The following RUNX1 variants were observed in gnomAD, a reference collection of about 807,000 sequenced individuals.
RUNX1 encodes RUNX family transcription factor 1.
In RUNX1, 19 loss-of-function variants were observed where a neutral mutation model predicts 42.8. That is an observed-to-expected ratio of 0.44 (90% CI 0.31 to 0.65). The LOEUF (loss-of-function observed/expected upper bound fraction) is 0.65. Among genes scored for constraint, RUNX1 ranks in the 30% least tolerant of loss-of-function variants. RUNX1 has a pLI of 0.07. For missense variants in RUNX1, 528 were observed against 672.0 expected, an observed-to-expected ratio of 0.79 and a Z score of 2.37; for synonymous variants, 271 against 289.4, an observed-to-expected ratio of 0.94 and a Z score of 0.64.
chr21:35,014,742 C>T (rs1364992356), intron 2 of RUNX1, among the ~76,000 whole-genome samples: 2 of 152,260 alleles, frequency 1.3e-5, no homozygotes, highest in East Asian at 3.8e-4. Context: ...GCTCTGCTTT[C>T]CAGCCACAGA....
intron 2 of RUNX1, among the ~76,000 whole-genome samples, chr21:34,951,219 G>A (rs1015637609): frequency 3.3e-5 from 5 of 152,204 alleles, no homozygotes; most frequent in Admixed American, 6.5e-5. Flanking sequence ...TCGGCGAGAG[G>A]TGGAATGACA....
In RUNX1 at chr21:34,791,174, G is replaced by A. The variant is rs2056428891; in HGVS notation, c.*961C>T. On this transcript the variant is annotated 3_prime_UTR_variant, in exon 9 of 9. Coordinates refer to ENST00000675419, the MANE Select transcript of RUNX1 (RefSeq NM_001754.5). ...TGATTAACATGAAAGGGAGTTTAAT[G>A]TAAACAATACTTCTGGATAACCAAG... 4.3e-6 allele frequency: 1 copy of A among 233,278 alleles called. No individual in the cohort carries two copies. The highest frequency in any genetic ancestry group is 2.2e-5 in the African/African-American group (1 of 45,310). The allele number at this position is 233,278 out of a possible 1,614,324, so 14.5% of individuals were successfully genotyped here.
intron 2 of RUNX1, among the ~76,000 whole-genome samples, chr21:34,997,256 G>A (rs2059003206): frequency 6.6e-6 from 1 of 152,238 alleles, no homozygotes; most frequent in Admixed American, 6.5e-5. Context: ...TTGCATGGCT[G>A]TAGACATAAT....
At chr21:34,979,119 A>C (rs1043567555) in intron 2 of RUNX1, among the ~76,000 whole-genome samples, 26 of 152,290 alleles carry the variant, frequency 1.7e-4, no homozygotes, top group African/African-American at 5.8e-4. Flanking sequence ...AGCACAGCTG[A>C]CTGGGAACTG....
intron 6 of RUNX1, among the ~76,000 whole-genome samples, chr21:34,846,830 T>A (rs1052297702): frequency 6.6e-6 from 1 of 152,146 alleles, no homozygotes; most frequent in Non-Finnish European, 1.5e-5. Context: ...ATAGAACGGG[T>A]TTCTCTGAAG....
chr21:34,903,662 A>G (rs904631163), intron 2 of RUNX1, among the ~76,000 whole-genome samples: 10 of 152,334 alleles, frequency 6.6e-5, no homozygotes, highest in African/African-American at 2.2e-4. Flanking sequence ...TCAATTAAAT[A>G]ATAAATTGCC....
At chr21:34,987,844 T>C (rs1018952676) in intron 2 of RUNX1, among the ~76,000 whole-genome samples, 1 of 152,290 alleles carries the variant, frequency 6.6e-6, no homozygotes, top group East Asian at 1.9e-4. Flanking sequence ...GCTAGCTTCG[T>C]GTGCAGACTT....
chr21:34,990,173 G>A (rs970077550), intron 2 of RUNX1, among the ~76,000 whole-genome samples: 26 of 152,198 alleles, frequency 1.7e-4, no homozygotes, highest in African/African-American at 6.3e-4. Context: ...TTCATTCAGA[G>A]ACCCCTGACC....
intron 7 of RUNX1, among the ~76,000 whole-genome samples, chr21:34,804,003 C>A (rs956166612): frequency 6.6e-6 from 1 of 152,108 alleles, no homozygotes; most frequent in Non-Finnish European, 1.5e-5. Flanking sequence ...AAATGCTGAA[C>A]AAACTGAAAA....
intron 3 of RUNX1, 94 bp downstream of exon 3, chr21:34,892,831 C>A: frequency 1.3e-6 from 1 of 765,602 alleles, no homozygotes; most frequent in Non-Finnish European, 2.2e-6. Context: ...AATTATATCA[C>A]AAGTTATACA....
At chr21:35,012,607 G>T (rs1027609052) in intron 2 of RUNX1, among the ~76,000 whole-genome samples, 1 of 152,058 alleles carries the variant, frequency 6.6e-6, no homozygotes, top group African/African-American at 2.4e-5. Flanking sequence ...TGACCCACAG[G>T]TTTGACATCT....
chr21:34,950,505 G>A (rs1346298366), intron 2 of RUNX1, among the ~76,000 whole-genome samples: 4 of 152,142 alleles, frequency 2.6e-5, no homozygotes, highest in African/African-American at 4.8e-5. Context: ...TTGGGAGGCC[G>A]AGGCAGGTGG....
chr21:34,846,789 T>A (rs985190425), intron 6 of RUNX1, among the ~76,000 whole-genome samples: 8 of 152,186 alleles, frequency 5.3e-5, no homozygotes, highest in African/African-American at 1.7e-4. Flanking sequence ...AGCTACCTAT[T>A]TATTTTGAGA....
At chr21:34,958,861 T>C (rs1228191981) in intron 2 of RUNX1, among the ~76,000 whole-genome samples, 1 of 152,054 alleles carries the variant, frequency 6.6e-6, no homozygotes, top group East Asian at 1.9e-4. Context: ...CATGGAATAC[T>C]ATGCAGCCAT....
intron 5 of RUNX1, among the ~76,000 whole-genome samples, chr21:34,865,277 TGC>T (rs2057641770): frequency 7.7e-6 from 1 of 129,372 alleles, no homozygotes; most frequent in African/African-American, 3.0e-5. Flanking sequence ...AGGGGTTTTG[TGC>T]GTGTGTGTGT....
chr21:34,817,689 C>G (rs773768538), intron 7 of RUNX1, among the ~76,000 whole-genome samples: 1 of 152,152 alleles, frequency 6.6e-6, no homozygotes, highest in Non-Finnish European at 1.5e-5. Flanking sequence ...TGTTGGCTCT[C>G]GCAGTAAAGA....
At chr21:34,921,160 T>C (rs965751772) in intron 2 of RUNX1, among the ~76,000 whole-genome samples, 6 of 152,120 alleles carry the variant, frequency 3.9e-5, no homozygotes, top group African/African-American at 1.2e-4. Flanking sequence ...AACCCAACCA[T>C]TTTAAAGTGC....
chr21:34,959,324 G>A (rs933495000), intron 2 of RUNX1, among the ~76,000 whole-genome samples: 2 of 152,070 alleles, frequency 1.3e-5, no homozygotes, highest in Admixed American at 6.5e-5. Flanking sequence ...TACCAGCTGC[G>A]TGACCCTGGG....
intron 4 of RUNX1, among the ~76,000 whole-genome samples, chr21:34,881,395 C>T (rs143052571): frequency 4.3e-4 from 65 of 152,254 alleles, no homozygotes; most frequent in African/African-American, 1.2e-3. Context: ...TCCTACTCAT[C>T]GCTATTATCT....
Sources: gnomAD v4.1 joint callset for allele counts (sites outside exome capture counted in the v4.1 genomes callset) on GRCh38, gnomAD v4.1.1 for gene constraint, MANE v1.5 for transcripts, NCBI Gene and HGNC (gene_info 2026-07-23, HGNC 2026-07-21) for gene names.